TMEM132C: variants seen among roughly 807,000 people sequenced by gnomAD.
TMEM132C encodes transmembrane protein 132C.
In TMEM132C, 29 loss-of-function variants were observed where a neutral mutation model predicts 61.4. That is an observed-to-expected ratio of 0.47 (90% CI 0.35 to 0.64). The LOEUF is 0.64. Among genes scored for constraint, TMEM132C ranks in the 30% least tolerant of loss-of-function variants. The pLI is 0.00. For synonymous variants in TMEM132C, 656 were observed against 633.1 expected (o/e 1.04, Z -0.54); for missense variants, 1,408 against 1,476.9 (o/e 0.95, Z 0.76).
chr12:128,430,574 A>G (rs4882761), intron 2 of TMEM132C, among the ~76,000 whole-genome samples: 62,736 of 152,128 alleles, frequency 0.41, 13,336 homozygotes, highest in African/African-American at 0.52. Flanking sequence ...TGCATTTCAC[A>G]GATAATGTGT....
chr12:128,587,064 G>T (rs1390562271), intron 3 of TMEM132C, among the ~76,000 whole-genome samples: 2 of 152,256 alleles, frequency 1.3e-5, no homozygotes, highest in African/African-American at 4.8e-5. Flanking sequence ...CCAGTGTGGG[G>T]ATGCATCATG....
chr12:128,670,207 A>G (rs35969873), intron 5 of TMEM132C, among the ~76,000 whole-genome samples: 47,423 of 151,990 alleles, frequency 0.31, 7,804 homozygotes, highest in African/African-American at 0.43. Flanking sequence ...TACTTGGGAG[A>G]CTGAGGCAGG....
chr12:128,699,295 G>A (rs1954787532), intron 8 of TMEM132C, among the ~76,000 whole-genome samples: 1 of 152,162 alleles, frequency 6.6e-6, no homozygotes, highest in African/African-American at 2.4e-5. Context: ...CAGTGCGGTG[G>A]GTGGGCTCAG....
chr12:128,555,798 T>G (rs1278748781), intron 3 of TMEM132C, among the ~76,000 whole-genome samples: 1 of 151,856 alleles, frequency 6.6e-6, no homozygotes, highest in African/African-American at 2.4e-5. Context: ...CACTGCAGCC[T>G]CGACCTCCTG....
At chr12:128,665,083 GCACT>G (rs1485609736) in intron 4 of TMEM132C, among the ~76,000 whole-genome samples, 1 of 146,654 alleles carries the variant, frequency 6.8e-6, no homozygotes, top group African/African-American at 2.5e-5. Flanking sequence ...ACAAACACAG[GCACT>G]CACACATACA....
intron 1 of TMEM132C, among the ~76,000 whole-genome samples, chr12:128,281,566 A>G (rs1870897112): frequency 1.3e-5 from 2 of 152,174 alleles, no homozygotes; most frequent in South Asian, 2.1e-4. Context: ...TTTGGATACA[A>G]TCTCCGTTGT....
chr12:128,479,486 A>G (rs985131555), intron 2 of TMEM132C, among the ~76,000 whole-genome samples: 1 of 152,222 alleles, frequency 6.6e-6, no homozygotes, highest in African/African-American at 2.4e-5. Context: ...ACTGGGGGAA[A>G]AAAAGTATTT....
intron 1 of TMEM132C, among the ~76,000 whole-genome samples, chr12:128,322,967 A>G (rs1018833624): frequency 1.3e-5 from 2 of 152,150 alleles, no homozygotes; most frequent in Non-Finnish European, 2.9e-5. Flanking sequence ...TTCAGCATAT[A>G]TTTTCAAGTG....
chr12:128,629,859 G>A (rs11059802), intron 4 of TMEM132C, among the ~76,000 whole-genome samples: 32 of 151,870 alleles, frequency 2.1e-4, no homozygotes, highest in Middle Eastern at 3.4e-3. Flanking sequence ...CCAGCTACTC[G>A]GGAGACTGAG....
chr12:128,483,507 C>T (rs146432349), intron 2 of TMEM132C, among the ~76,000 whole-genome samples: 1,980 of 152,138 alleles, frequency 0.013, 36 homozygotes, highest in African/African-American at 0.045. Flanking sequence ...CTCCACCATT[C>T]GATACCTCTG....
At chr12:128,597,506 AAGGAAG>A in intron 3 of TMEM132C, among the ~76,000 whole-genome samples, 2 of 144,254 alleles carry the variant, frequency 1.4e-5, no homozygotes, top group African/African-American at 2.5e-5. Flanking sequence ...AGAAGGAAGG[AAGGAAG>A]GAAGGAAGGA....
intron 5 of TMEM132C, among the ~76,000 whole-genome samples, chr12:128,674,152 G>T (rs975483013): frequency 6.6e-6 from 1 of 152,142 alleles, no homozygotes; most frequent in South Asian, 2.1e-4. Flanking sequence ...TCACTAAGCT[G>T]GTTTCTGTCT....
intron 8 of TMEM132C, among the ~76,000 whole-genome samples, chr12:128,704,270 C>T (rs1954821518): frequency 6.6e-6 from 1 of 152,172 alleles, no homozygotes; most frequent in South Asian, 2.1e-4. Flanking sequence ...CCAGTCCCCA[C>T]AATGGCAAAT....
Position 128,406,647 on chromosome 12 carries a change from A to G in TMEM132C, c.86-8085A>G, listed in dbSNP as rs76678203. On this transcript the variant is annotated intron_variant, in intron 1 of 8. Transcript: ENST00000435159. The stretch of plus-strand genomic sequence containing the variant: ...GAGACCCTGGAGATATGAAGGAGCA[A>G]GATGTATTTAAACTTCGATAATAAA... Among the ~76,000 whole-genome samples the G allele has an allele frequency of 1.6e-3, 240 of 152,302 alleles. 4 individuals are homozygous for G. In the East Asian group the frequency reaches 0.037, roughly 23 times the overall value.
At chr12:128,503,991 G>A (rs1263062489) in intron 2 of TMEM132C, among the ~76,000 whole-genome samples, 1 of 152,224 alleles carries the variant, frequency 6.6e-6, no homozygotes, top group Non-Finnish European at 1.5e-5. Flanking sequence ...AGACAGTGCT[G>A]GAGTGAGAAC....
At chr12:128,675,528 CA>C (rs1303383033) in intron 5 of TMEM132C, among the ~76,000 whole-genome samples, 7 of 152,300 alleles carry the variant, frequency 4.6e-5, no homozygotes, top group African/African-American at 1.7e-4. Context: ...TCAAAGGTTG[CA>C]GTGACTGGAC....
At chr12:128,550,908 G>A (rs367717244) in intron 3 of TMEM132C, among the ~76,000 whole-genome samples, 2 of 152,178 alleles carry the variant, frequency 1.3e-5, no homozygotes, top group African/African-American at 2.4e-5. Flanking sequence ...ATGATGGACA[G>A]GTGTGGAATA....
intron 2 of TMEM132C, among the ~76,000 whole-genome samples, chr12:128,477,140 T>C (rs1425796792): frequency 6.6e-6 from 1 of 152,188 alleles, no homozygotes; most frequent in Non-Finnish European, 1.5e-5. Context: ...TTGTGAAGGC[T>C]GCCTGGGGGA....
chr12:128,591,330 C>T (rs1593111650), intron 3 of TMEM132C, among the ~76,000 whole-genome samples: 2 of 152,264 alleles, frequency 1.3e-5, no homozygotes, highest in Middle Eastern at 6.8e-3. Flanking sequence ...GTGGATTTGC[C>T]TGTTCTGGGC....
Sources: gnomAD v4.1 joint callset for allele counts (sites outside exome capture counted in the v4.1 genomes callset) on GRCh38, gnomAD v4.1.1 for gene constraint, MANE v1.5 for transcripts, NCBI Gene and HGNC (gene_info 2026-07-23, HGNC 2026-07-21) for gene names.